The following KATNIP variants were observed in gnomAD, a reference collection of about 807,000 sequenced individuals.
KATNIP encodes katanin interacting protein.
In KATNIP, 126 loss-of-function variants were observed where a neutral mutation model predicts 174.0. That is an observed-to-expected ratio of 0.72 (90% CI 0.63 to 0.84). The LOEUF is 0.84. Ranked by LOEUF, KATNIP falls within the 40% of genes least tolerant of loss-of-function variation. The pLI is 0.00. For missense variants in KATNIP, 1,958 were observed against 2,109.7 expected (o/e 0.93, Z 1.41); for synonymous variants, 810 against 835.7 (o/e 0.97, Z 0.53).
At chr16:27,738,353 A>T (rs1052681853) in intron 14 of KATNIP, among the ~76,000 whole-genome samples, 3 of 152,164 alleles carry the variant, frequency 2.0e-5, no homozygotes, top group Non-Finnish European at 4.4e-5. Context: ...CTTGAGTGTG[A>T]TGGCTTCATT....
At chr16:27,590,473 T>G (rs1035320946) in intron 2 of KATNIP, among the ~76,000 whole-genome samples, 2 of 152,110 alleles carry the variant, frequency 1.3e-5, no homozygotes, top group African/African-American at 2.4e-5. Flanking sequence ...ATTTCCCATT[T>G]CCTTCTCTGT....
chr16:27,559,607 G>A (rs2089772636), intron 1 of KATNIP, among the ~76,000 whole-genome samples: 1 of 151,780 alleles, frequency 6.6e-6, no homozygotes, highest in African/African-American at 2.4e-5. Flanking sequence ...CCTTAGCCCA[G>A]GAGGTTGAGA....
At chr16:27,725,796 C>T (rs1394409718) in intron 14 of KATNIP, among the ~76,000 whole-genome samples, 1 of 152,192 alleles carries the variant, frequency 6.6e-6, no homozygotes, top group African/African-American at 2.4e-5. Context: ...CACAGCGTCA[C>T]CACGCAAGTG....
intron 5 of KATNIP, chr16:27,632,513 A>G (rs1597002354): frequency 2.3e-6 from 1 of 429,070 alleles, no homozygotes; most frequent in Non-Finnish European, 4.9e-6. Context: ...CTGAGGGTGG[A>G]GGTTTTGGCC....
chr16:27,772,001 G>GCA (rs2082325145), intron 22 of KATNIP, among the ~76,000 whole-genome samples: 1 of 152,166 alleles, frequency 6.6e-6, no homozygotes, highest in Non-Finnish European at 1.5e-5. Flanking sequence ...GGCAATCCAG[G>GCA]CACAATAGCT....
chr16:27,550,281 T>G, intron 1 of KATNIP, 104 bp downstream of exon 1: 1 of 1,325,720 alleles, frequency 7.5e-7, no homozygotes, highest in Non-Finnish European at 1.0e-6. Flanking sequence ...GGACCACCAC[T>G]TCCTGACCCA....
intron 1 of KATNIP, among the ~76,000 whole-genome samples, chr16:27,558,688 G>A (rs2089728530): frequency 6.6e-6 from 1 of 152,210 alleles, no homozygotes; most frequent in Non-Finnish European, 1.5e-5. Context: ...CTGTTTTCTT[G>A]CAGAGTTGAG....
intron 12 of KATNIP, among the ~76,000 whole-genome samples, chr16:27,708,024 C>CTTT (rs34070705): frequency 2.8e-5 from 4 of 140,584 alleles, no homozygotes; most frequent in Admixed American, 7.1e-5. Context: ...AGCCCGTAAC[C>CTTT]TTTTTTTTTT....
intron 13 of KATNIP, among the ~76,000 whole-genome samples, chr16:27,719,064 G>C (rs1256970320): frequency 2.0e-5 from 3 of 152,126 alleles, no homozygotes; most frequent in Non-Finnish European, 2.9e-5. Flanking sequence ...GAGATAAAAG[G>C]GACAACTCAG....
intron 1 of KATNIP, among the ~76,000 whole-genome samples, chr16:27,562,621 A>G (rs2089927287): frequency 6.6e-6 from 1 of 152,198 alleles, no homozygotes; most frequent in South Asian, 2.1e-4. Context: ...GTCTTCACTC[A>G]TACACTATGG....
chr16:27,718,235 A>G (rs1043986725), intron 13 of KATNIP: 4 of 152,294 alleles, frequency 2.6e-5, no homozygotes, highest in Admixed American at 2.6e-4. Flanking sequence ...CGGTACAGCA[A>G]TGCCCACCTC....
intron 1 of KATNIP, among the ~76,000 whole-genome samples, chr16:27,571,576 C>T (rs894608214): frequency 1.1e-4 from 17 of 152,222 alleles, no homozygotes; most frequent in Admixed American, 9.2e-4. Flanking sequence ...CTCAGTCAGG[C>T]GCTGGGATCT....
chr16:27,647,209 A>G (rs535553974), intron 5 of KATNIP, among the ~76,000 whole-genome samples: 1 of 152,292 alleles, frequency 6.6e-6, no homozygotes, highest in African/African-American at 2.4e-5. Context: ...TACTAGAAGA[A>G]AGAGAGGCCC....
intron 2 of KATNIP, among the ~76,000 whole-genome samples, chr16:27,608,171 A>G (rs1219060813): frequency 6.6e-6 from 1 of 150,920 alleles, no homozygotes; most frequent in African/African-American, 2.4e-5. Flanking sequence ...TTTCATTCCA[A>G]TTCTAGTTTT....
At chr16:27,667,222 G>A (rs921909204) in intron 6 of KATNIP, among the ~76,000 whole-genome samples, 10 of 151,806 alleles carry the variant, frequency 6.6e-5, no homozygotes, top group African/African-American at 1.9e-4. Context: ...CCAAAAAGTC[G>A]GAGAATCTCT....
At chr16:27,737,615 G>C (rs1016582790) in intron 14 of KATNIP, among the ~76,000 whole-genome samples, 57 of 152,114 alleles carry the variant, frequency 3.7e-4, no homozygotes, top group Admixed American at 3.7e-3. Flanking sequence ...TGCAGCCGAA[G>C]AAAAGGAAGC....
At chr16:27,588,071 T>C (rs898221681) in intron 2 of KATNIP, among the ~76,000 whole-genome samples, 3 of 152,014 alleles carry the variant, frequency 2.0e-5, no homozygotes, top group Non-Finnish European at 4.4e-5. Context: ...TTTGTATTTT[T>C]TGTAGAGACA....
chr16:27,562,275 G>C (rs1490782288), intron 1 of KATNIP, among the ~76,000 whole-genome samples: 1 of 152,140 alleles, frequency 6.6e-6, no homozygotes, highest in Non-Finnish European at 1.5e-5. Flanking sequence ...ACACCACTTT[G>C]ACTCCAGCCT....
At chr16:27,691,600 G>A (rs1041583399) in intron 8 of KATNIP, among the ~76,000 whole-genome samples, 3 of 152,238 alleles carry the variant, frequency 2.0e-5, no homozygotes. Flanking sequence ...CAGAGGGAAC[G>A]TGATTTTGGA....
Sources: gnomAD v4.1 joint callset for allele counts (sites outside exome capture counted in the v4.1 genomes callset) on GRCh38, gnomAD v4.1.1 for gene constraint, MANE v1.5 for transcripts, NCBI Gene and HGNC (gene_info 2026-07-23, HGNC 2026-07-21) for gene names.